CCT6A: variants seen among roughly 807,000 people sequenced by gnomAD.
CCT6A encodes chaperonin containing TCP1 subunit 6A, also known as T-complex protein 1 subunit zeta.
In CCT6A, 6 loss-of-function variants were observed where a neutral mutation model predicts 58.6. The observed-to-expected ratio is 0.10, with a 90% confidence interval of 0.06 to 0.20. CCT6A has a LOEUF of 0.20. CCT6A is among the 10% of genes least tolerant of loss of function. The pLI is 1.00. For missense variants in CCT6A, 516 were observed against 648.8 expected (o/e 0.80, Z 2.22); for synonymous variants, 245 against 227.8 (o/e 1.08, Z -0.68).
intron 2 of CCT6A, among the ~76,000 whole-genome samples, chr7:56,052,787 TCTTTTC>T (rs1562846922): frequency 3.8e-5 from 3 of 78,462 alleles, no homozygotes; most frequent in African/African-American, 1.2e-4. Flanking sequence ...ATTTTTCTTT[TCTTTTC>T]TTTTTTTTTT....
In CCT6A at chr7:56,061,861, C is replaced by T. The variant is rs747143415; in HGVS notation, c.1450+12C>T. ...GGACCTGAACACAGGTAAGAGAATG[C>T]AACTGTTGTAGAGGGAAAACTAGAT... is the stretch of plus-strand genomic sequence containing the variant. On this transcript the variant is annotated intron_variant, in intron 12 of 13. Coordinates refer to ENST00000275603, the MANE Select transcript of CCT6A (RefSeq NM_001762.4). 4.2e-6 allele frequency: 6 copies of T among 1,432,328 alleles called. No homozygotes were observed. In the African/African-American group the frequency reaches 7.3e-5, roughly 17 times the overall value. 88.7% of individuals were successfully genotyped at this position (1,432,328 alleles called of 1,614,324 possible).
In CCT6A at chr7:56,063,053, A is replaced by G. The variant is rs779895298; in HGVS notation, c.1564A>G (p.Met522Val). The change falls in exon 14 of 14, where the codon ATG becomes GTG. Residue 522 changes from methionine to valine, a missense_variant. Transcript: ENST00000275603. ...CAACATTCTCTTGGTTGATGAGATC[A>G]TGCGAGCTGGAATGTCTTCTCTGAA... ...ATNILLVDEI[M>V]RAGMSSLKG 6.2e-7 allele frequency: 1 copy of G among 1,612,722 alleles called. No individual in the cohort carries two copies.
chr7:56,062,687 G>A lies in CCT6A; in HGVS notation c.1455G>A (p.Glu485=). ...TAAGATTTGGTTGCCTTTTAGGTGA[G>A]CCAATGGTGGCAGCAGAAGTAGGCG... is the stretch of plus-strand genomic sequence containing the variant. ...QLVGVDLNTG[E]PMVAAEVGVW... The change falls in exon 13 of 14, where the codon GAG becomes GAA. Residue 485 remains glutamate (E), a synonymous_variant. Transcript: ENST00000275603. 1.9e-6 allele frequency: 3 copies of A among 1,613,852 alleles called. No homozygotes were observed. Among genetic ancestry groups the A allele is most frequent in the Non-Finnish European group, 2.5e-6 (3 of 1,179,750 alleles).
intron 6 of CCT6A, 118 bp from the exon 7 acceptor site, chr7:56,058,244 G>A (rs1562850460): frequency 1.2e-6 from 1 of 857,444 alleles, no homozygotes; most frequent in Non-Finnish European, 1.8e-6. Context: ...AGTCTCTGAA[G>A]ATGCATAAGG....
chr7:56,061,374 T>G (rs78469871), intron 11 of CCT6A, among the ~76,000 whole-genome samples: 4 of 54,914 alleles, frequency 7.3e-5, no homozygotes, highest in Non-Finnish European at 9.9e-5. Context: ...ATGCAATGAG[T>G]TTTTTTTTTT....
chr7:56,052,378 C>G, intron 1 of CCT6A, 44 bp from the exon 2 acceptor site: 2 of 1,559,512 alleles, frequency 1.3e-6, no homozygotes. Context: ...TTTTAGTTAT[C>G]GTTGAAAAAG....
At chr7:56,060,765 C>T (rs1317853052) in intron 10 of CCT6A, 42 bp from the exon 11 acceptor site, 7 of 1,581,252 alleles carry the variant, frequency 4.4e-6, no homozygotes, top group Non-Finnish European at 6.0e-6. Context: ...ATAATTAGTT[C>T]TGCAGTTTTC....
chr7:56,051,914 C>T lies in CCT6A; in HGVS notation c.66C>T (p.Val22=), dbSNP rs766499405. Residue 22 remains valine (V), a synonymous_variant, in exon 1 of 14, where the codon GTC becomes GTT. Transcript: ENST00000275603. ...CCCGAGCGCAGGCGGCGCTGGCGGT[C>T]AACATCAGCGCAGCGCGGGGTCTGC... is the stretch of plus-strand genomic sequence containing the variant. ...EVARAQAALA[V]NISAARGLQD... 21 of 1,552,898 alleles carry T rather than the reference C, an allele frequency of 1.4e-5. No homozygotes were observed. The highest frequency in any genetic ancestry group is 1.9e-5 in the Admixed American group (1 of 51,438).
Position 56,055,694 on chromosome 7 carries a change from A to G in CCT6A, c.407A>G (p.Glu136Gly), listed in dbSNP as rs1391260607. The change falls in exon 4 of 14, where the codon GAA becomes GGA. Residue 136 changes from glutamate to glycine, a missense_variant. Physicochemically the swap from Glu to Gly is moderately conservative, Grantham distance 98. Around this residue, in one of 3 missense-constraint regions of CCT6A, gnomAD observed 116 missense variants for 184.5 expected, o/e 0.63. Coordinates refer to ENST00000275603, the MANE Select transcript of CCT6A (RefSeq NM_001762.4). ...AKEKALQFLE[E>G]VKVSREMDRE... The stretch of plus-strand genomic sequence containing the variant: ...GAAAAGGCCCTTCAGTTTTTGGAAG[A>G]AGTCAAAGTAAGCAGAGAGATGGAC... 1 of 1,613,616 alleles carries G rather than the reference A, an allele frequency of 6.2e-7. No homozygotes were observed. The highest frequency in any genetic ancestry group is 8.5e-7 in the Non-Finnish European group (1 of 1,179,666).
chr7:56,056,051 C>T (rs1350387866), intron 4 of CCT6A, among the ~76,000 whole-genome samples: 1 of 151,908 alleles, frequency 6.6e-6, no homozygotes, highest in Admixed American at 6.6e-5. Flanking sequence ...TAGAAAGCTT[C>T]CAGTTACCAG....
rs1448624216 is a variant in CCT6A at position 56,058,089 on chromosome 7, A to G, written c.711A>G (p.Leu237=). ...DAYILTCNVS[L]EYEKTEVNSG... ...ACATCCTCACTTGTAACGTGTCATT[A>G]GAGTATGAGAAAACGTAAGTTTATA... Residue 237 remains leucine, a synonymous_variant, in exon 6 of 14, where the codon TTA becomes TTG. Transcript: ENST00000275603. The G allele has an allele frequency of 6.3e-7, 1 of 1,582,070 alleles. No individual in the cohort carries two copies. The highest frequency in any genetic ancestry group is 1.1e-5 in the South Asian group (1 of 90,330).
At chr7:56,054,282 T>C in intron 2 of CCT6A, 87 bp from the exon 3 acceptor site, 1 of 1,159,630 alleles carries the variant, frequency 8.6e-7, no homozygotes, top group Non-Finnish European at 1.2e-6. Flanking sequence ...TAGATAGCAC[T>C]CAAAGAGGCC....
Position 56,063,942 on chromosome 7 carries a change from A to G in CCT6A, c.*857A>G. On this transcript the variant is annotated 3_prime_UTR_variant, in exon 14 of 14. Transcript: ENST00000275603. The stretch of plus-strand genomic sequence containing the variant: ...TTACTAGGCTGTGTTTTGGGATGTC[A>G]GCAGTGGCCTGAAGTGAGTTGTGCA... The G allele has an allele frequency of 2.6e-6, 1 of 380,194 alleles. No individual in the cohort carries two copies. The highest frequency in any genetic ancestry group is 3.4e-5 in the South Asian group (1 of 29,006). 23.6% of individuals were successfully genotyped at this position (380,194 alleles called of 1,614,324 possible). A position where few individuals can be genotyped will look rare whatever the true frequency, so the allele number is the denominator to read the frequency against.
rs1019634253 is a variant in CCT6A at position 56,059,697 on chromosome 7, GT to G, written c.1065+60del. ...ACCTTTTAGCTCGTGAATTATTTTT[GT>G]TTGTTTGTTTGAGGTGGGGTCTCAC... On this transcript the variant is annotated intron_variant, in intron 9 of 13. Coordinates refer to ENST00000275603, the MANE Select transcript of CCT6A (RefSeq NM_001762.4). 6.8e-6 allele frequency: 6 copies of G among 883,474 alleles called. No homozygotes were observed. In the African/African-American group the frequency reaches 8.2e-5, roughly 12 times the overall value. The allele number at this position is 883,474 out of a possible 1,614,324, so 54.7% of individuals were successfully genotyped here.
intron 9 of CCT6A, 145 bp from the exon 10 acceptor site, chr7:56,060,124 T>C: frequency 3.1e-6 from 2 of 648,578 alleles, no homozygotes; most frequent in Non-Finnish European, 5.3e-6. Flanking sequence ...TTCTTTTATG[T>C]GATTTTTCAA....
At position 56,063,400 on chromosome 7, in the gene CCT6A, G is replaced by T; in HGVS notation, c.*315G>T. ...CTTGTTATTAAATATTTCTTGAAAAGCAAATTTTAATGGTTTAATTTTATG... is the reference window on the plus strand; with the variant it reads ...CTTGTTATTAAATATTTCTTGAAAATCAAATTTTAATGGTTTAATTTTATG... On this transcript the variant is annotated 3_prime_UTR_variant, in exon 14 of 14. Transcript: ENST00000275603. 1 of 285,890 alleles carries T rather than the reference G, an allele frequency of 3.5e-6. No individual in the cohort carries two copies. The highest frequency in any genetic ancestry group is 6.6e-6 in the Non-Finnish European group (1 of 151,466). The allele number at this position is 285,890 out of a possible 1,614,324, so 17.7% of individuals were successfully genotyped here.
In CCT6A at chr7:56,063,129, A is replaced by G; in HGVS notation, c.*44A>G. 1 of 1,265,490 alleles carries G rather than the reference A, an allele frequency of 7.9e-7. No homozygotes were observed. Among genetic ancestry groups the G allele is most frequent in the Non-Finnish European group, 1.2e-6 (1 of 861,396 alleles). 78.4% of individuals were successfully genotyped at this position (1,265,490 alleles called of 1,614,324 possible). A position where few individuals can be genotyped will look rare whatever the true frequency, so the allele number is the denominator to read the frequency against. ...TCTGAATCTTGAAGACTGCAAAGTG[A>G]TCCTGAGGATTACAGCTGTGGAATT... On this transcript the variant is annotated 3_prime_UTR_variant, in exon 14 of 14. Coordinates refer to ENST00000275603, the MANE Select transcript of CCT6A (RefSeq NM_001762.4).
intron 11 of CCT6A, 38 bp downstream of exon 11, chr7:56,060,978 C>T (rs1158529555): frequency 6.4e-7 from 1 of 1,563,928 alleles, no homozygotes; most frequent in Non-Finnish European, 8.6e-7. Flanking sequence ...CCAAAAGATT[C>T]AGCTGATCAA....
Position 56,060,695 on chromosome 7 carries a change from T to A in CCT6A, c.1214-112T>A. 3.0e-6 allele frequency: 4 copies of A among 1,351,034 alleles called. No individual in the cohort carries two copies. In the South Asian group the frequency reaches 4.9e-5, roughly 17 times the overall value. 83.7% of individuals were successfully genotyped at this position (1,351,034 alleles called of 1,614,324 possible). ...TCCTATTTGGTATGTTAGTCACTTG[T>A]ATTTTGTCATAGTAAATTTGTAAGA... On this transcript the variant is annotated intron_variant, in intron 10 of 13. Coordinates refer to ENST00000275603, the MANE Select transcript of CCT6A (RefSeq NM_001762.4).
Sources: allele counts gnomAD v4.1 joint callset (sites outside exome capture counted in the v4.1 genomes callset), GRCh38; gene constraint gnomAD v4.1.1; regional missense constraint gnomAD v4.1.1; transcripts MANE v1.5; gene names NCBI Gene and HGNC (gene_info 2026-07-23, HGNC 2026-07-21).